The following SKAP2 variants were observed in gnomAD, a reference collection of about 807,000 sequenced individuals.
SKAP2 encodes the protein src kinase associated phosphoprotein 2, also known as src kinase-associated phosphoprotein 2.
Under a neutral mutation model 54.9 loss-of-function variants are expected in SKAP2, and 28 were observed. The ratio of observed to expected loss-of-function variants is 0.51; its 90% CI spans 0.38 to 0.70. The LOEUF is 0.70. Among genes scored for constraint, SKAP2 ranks in the 30% least tolerant of loss-of-function variants. SKAP2 has a pLI of 0.00. For synonymous variants in SKAP2, 137 were observed against 134.3 expected (o/e 1.02, Z -0.14); for missense variants, 356 against 424.1 (o/e 0.84, Z 1.41).
chr7:26,660,459 C>A, the SKAP2 span, among the ~76,000 whole-genome samples: 1 of 151,954 alleles, frequency 6.6e-6, no homozygotes, highest in Admixed American at 6.6e-5. Context: ...ATGTTTCCAG[C>A]CTCAGTATAC....
chr7:26,832,015 T>C (rs1433199630), intron 4 of SKAP2, among the ~76,000 whole-genome samples: 1 of 152,130 alleles, frequency 6.6e-6, no homozygotes, highest in Non-Finnish European at 1.5e-5. Context: ...GTATTCTTCC[T>C]TCCATTCTCT....
At chr7:26,662,009 G>A in the SKAP2 span, among the ~76,000 whole-genome samples, 1 of 152,114 alleles carries the variant, frequency 6.6e-6, no homozygotes, top group South Asian at 2.1e-4. Context: ...AGGCACTAGA[G>A]AGTGAAACTA....
At chr7:26,777,823 A>G (rs1453945307) in intron 4 of SKAP2, among the ~76,000 whole-genome samples, 2 of 152,118 alleles carry the variant, frequency 1.3e-5, no homozygotes, top group Non-Finnish European at 2.9e-5. Context: ...ATTTCAAGGT[A>G]AAAACAGGAA....
chr7:26,693,922 A>AGG (rs1296196061), intron 9 of SKAP2, among the ~76,000 whole-genome samples: 1 of 152,154 alleles, frequency 6.6e-6, no homozygotes, highest in Non-Finnish European at 1.5e-5. Flanking sequence ...CTTGAATAGA[A>AGG]CTTGGCACAA....
chr7:26,761,415 C>T (rs1024254035), intron 4 of SKAP2, among the ~76,000 whole-genome samples: 1 of 152,142 alleles, frequency 6.6e-6, no homozygotes, highest in East Asian at 1.9e-4. Context: ...TAGTATGTTG[C>T]ATATTTTTAA....
At chr7:26,689,714 C>T (rs968106403) in intron 10 of SKAP2, among the ~76,000 whole-genome samples, 1 of 152,158 alleles carries the variant, frequency 6.6e-6, no homozygotes, top group Non-Finnish European at 1.5e-5. Context: ...GGCTGCAGAT[C>T]AATTAGCAGT....
At chr7:26,715,515 G>A in intron 9 of SKAP2, among the ~76,000 whole-genome samples, 1 of 152,040 alleles carries the variant, frequency 6.6e-6, no homozygotes, top group South Asian at 2.1e-4. Context: ...AGTGGCTCAA[G>A]CCTGTAATCG....
At chr7:26,686,783 T>C (rs1011436802) in intron 10 of SKAP2, among the ~76,000 whole-genome samples, 8 of 152,118 alleles carry the variant, frequency 5.3e-5, no homozygotes, top group African/African-American at 1.4e-4. Context: ...AAAGAGAGGA[T>C]GACATCATTT....
At chr7:26,786,816 A>C (rs1310411334) in intron 4 of SKAP2, among the ~76,000 whole-genome samples, 2 of 152,172 alleles carry the variant, frequency 1.3e-5, no homozygotes, top group Non-Finnish European at 2.9e-5. Context: ...ATTTGACTTT[A>C]TTCTACCTAT....
At chr7:26,678,344 G>C (rs1417940586) in intron 11 of SKAP2, among the ~76,000 whole-genome samples, 1 of 152,034 alleles carries the variant, frequency 6.6e-6, no homozygotes, top group East Asian at 1.9e-4. Context: ...ATTATGAGCA[G>C]GTCTCCACCC....
intron 4 of SKAP2, among the ~76,000 whole-genome samples, chr7:26,774,340 A>G (rs1478184281): frequency 6.6e-6 from 1 of 152,056 alleles, no homozygotes; most frequent in African/African-American, 2.4e-5. Context: ...AAATAAAAGC[A>G]TATCAAAGGC....
intron 1 of SKAP2, among the ~76,000 whole-genome samples, chr7:26,863,288 AT>A (rs1785305616): frequency 6.6e-6 from 1 of 152,216 alleles, no homozygotes; most frequent in South Asian, 2.1e-4. Flanking sequence ...CAAATGTCAC[AT>A]TTTAGATGAC....
chr7:26,772,403 C>T (rs928937796), intron 4 of SKAP2, among the ~76,000 whole-genome samples: 1 of 152,044 alleles, frequency 6.6e-6, no homozygotes, highest in African/African-American at 2.4e-5. Context: ...TCAAGTAGGC[C>T]CCACTGTCTC....
intron 4 of SKAP2, among the ~76,000 whole-genome samples, chr7:26,797,845 G>C (rs554766954): frequency 2.0e-4 from 31 of 151,714 alleles, no homozygotes; most frequent in Non-Finnish European, 3.7e-4. Context: ...TAATGAAAAA[G>C]AACCAAGCAG....
chr7:26,750,659 T>C (rs1278163192), intron 4 of SKAP2, among the ~76,000 whole-genome samples: 1 of 152,106 alleles, frequency 6.6e-6, no homozygotes, highest in Non-Finnish European at 1.5e-5. Context: ...CTGTAAGATT[T>C]TGGGTCAATT....
chr7:26,693,332 CAAAAAAAAAAAAAA>C lies in SKAP2; in HGVS notation c.797-2984_797-2971del, dbSNP rs34775523. On this transcript the variant is annotated intron_variant, in intron 9 of 12. Coordinates refer to ENST00000345317, the MANE Select transcript of SKAP2 (RefSeq NM_003930.5). ...GGGCGACAAGAGTGAAGCTCCATCT[CAAAAAAAAAAAAAA>C]AAAAAAAGAGACTGTGGGATTTAGA... Among the ~76,000 whole-genome samples, 458 of 79,886 alleles carry C rather than the reference CAAAAAAAAAAAAAA, an allele frequency of 5.7e-3. 4 individuals are homozygous for C. Among genetic ancestry groups the C allele is most frequent in the African/African-American group, 0.019 (431 of 23,206 alleles). 52.4% of individuals were successfully genotyped at this position (79,886 alleles called of 152,430 possible). A position where few individuals can be genotyped will look rare whatever the true frequency, so the allele number is the denominator to read the frequency against.
intron 11 of SKAP2, among the ~76,000 whole-genome samples, chr7:26,679,477 T>C (rs1332763420): frequency 1.3e-5 from 2 of 152,148 alleles, no homozygotes; most frequent in South Asian, 2.1e-4. Flanking sequence ...CATACATCCA[T>C]ACTGACAGCA....
At chr7:26,766,062 A>G (rs933207138) in intron 4 of SKAP2, among the ~76,000 whole-genome samples, 13 of 152,212 alleles carry the variant, frequency 8.5e-5, no homozygotes, top group African/African-American at 3.1e-4. Context: ...TACTTTGGGC[A>G]GTATGACAAT....
chr7:26,735,915 C>T (rs1000808166), intron 6 of SKAP2, among the ~76,000 whole-genome samples: 6 of 151,974 alleles, frequency 3.9e-5, no homozygotes, highest in African/African-American at 4.8e-5. Context: ...CTAAAAATTT[C>T]GAATGAAACC....
Sources: allele counts gnomAD v4.1 joint callset (sites outside exome capture counted in the v4.1 genomes callset), GRCh38; gene constraint gnomAD v4.1.1; transcripts MANE v1.5; gene names NCBI Gene and HGNC (gene_info 2026-07-23, HGNC 2026-07-21).